HECTD4: variants seen among roughly 807,000 people sequenced by gnomAD.
HECTD4 encodes probable E3 ubiquitin-protein ligase HECTD4.
A neutral mutation model predicts 471.5 loss-of-function variants in HECTD4; 114 were observed. The ratio of observed to expected loss-of-function variants is 0.24; its 90% CI spans 0.21 to 0.28. HECTD4 has a LOEUF of 0.28. Among genes scored for constraint, HECTD4 ranks in the 10% least tolerant of loss-of-function variants. The pLI is 1.00. For missense variants in HECTD4, 3,866 were observed against 5,651.5 expected (o/e 0.68, Z 10.13); for synonymous variants, 2,012 against 2,256.0 (o/e 0.89, Z 3.07).
chr12:112,205,202 G>A (rs1262271295), intron 52 of HECTD4, among the ~76,000 whole-genome samples: 1 of 151,594 alleles, frequency 6.6e-6, no homozygotes, highest in African/African-American at 2.4e-5. Context: ...TTGGGAGGCC[G>A]AGGTGGGTGG....
intron 55 of HECTD4, 95 bp from the exon 56 acceptor site, chr12:112,195,161 C>T: frequency 3.7e-6 from 4 of 1,066,810 alleles, no homozygotes; most frequent in African/African-American, 1.6e-5. Context: ...AAGGATCCTG[C>T]CTCAGGCTTC....
intron 35 of HECTD4, among the ~76,000 whole-genome samples, chr12:112,236,627 T>C (rs1429192278): frequency 1.3e-5 from 2 of 152,214 alleles, no homozygotes; most frequent in Non-Finnish European, 2.9e-5. Flanking sequence ...TTAATCTTGC[T>C]ACAATGAGGG....
At chr12:112,255,482 T>C (rs1313066372) in intron 21 of HECTD4, among the ~76,000 whole-genome samples, 2 of 152,166 alleles carry the variant, frequency 1.3e-5, no homozygotes, top group Non-Finnish European at 2.9e-5. Context: ...TCATAGTATA[T>C]ACAGTTAAGA....
At chr12:112,347,571 T>C (rs1386062679) in intron 1 of HECTD4, among the ~76,000 whole-genome samples, 1 of 152,156 alleles carries the variant, frequency 6.6e-6, no homozygotes, top group Non-Finnish European at 1.5e-5. Context: ...ACCTAGCAAT[T>C]GAAATACAAA....
At chr12:112,219,163 C>T (rs1251999035) in intron 45 of HECTD4, among the ~76,000 whole-genome samples, 1 of 152,014 alleles carries the variant, frequency 6.6e-6, no homozygotes, top group African/African-American at 2.4e-5. Flanking sequence ...TATGAAGTTT[C>T]GCTCCCCTGC....
In HECTD4 at chr12:112,163,748, G is replaced by A. The variant is rs1363324686; in HGVS notation, c.12702-11C>T. The A allele has an allele frequency of 8.2e-6, 12 of 1,456,712 alleles. No homozygotes were observed. The highest frequency in any genetic ancestry group is 1.4e-5 in the African/African-American group (1 of 70,078). 90.2% of individuals were successfully genotyped at this position (1,456,712 alleles called of 1,614,324 possible). On this transcript the variant is annotated splice_polypyrimidine_tract_variant and intron_variant, in intron 73 of 75. Transcript: ENST00000682272. This position sits in a 1 kb window ranked among gnomAD's most constrained non-coding sequence, Gnocchi z 8.2. ...TCCTTGTTCTCCCACCTGCCCGGGT[G>A]AGGAGCACAGGTGAGGGAGAACACC...
At chr12:112,170,637 G>T (rs2031178819) in intron 68 of HECTD4, 185 bp from the exon 69 acceptor site, 2 of 625,258 alleles carry the variant, frequency 3.2e-6, no homozygotes, top group Non-Finnish European at 5.3e-6. Flanking sequence ...GTCATTCCCA[G>T]GAGACATCCA....
rs138913540 is a variant in HECTD4, at chr12:112,217,300, T to TAC, written c.7075-107_7075-106dup. 1.8e-3 allele frequency: 1,078 copies of TAC among 602,740 alleles called. 1 individual carries two copies. Among genetic ancestry groups the TAC allele is most frequent in the African/African-American group, 4.3e-3 (205 of 48,028 alleles). 37.3% of individuals were successfully genotyped at this position (602,740 alleles called of 1,614,324 possible). ...ATCTGATGGTATTAAAATATAGGCA[T>TAC]ACACACACACACACACATACACACA... On this transcript the variant is annotated intron_variant, in intron 45 of 75. Coordinates refer to ENST00000682272, the MANE Select transcript of HECTD4 (RefSeq NM_001388303.1).
At position 112,250,966 on chromosome 12, in the gene HECTD4, G is replaced by T; in HGVS notation, c.3716+5C>A. 1 of 1,603,468 alleles carries T rather than the reference G, an allele frequency of 6.2e-7. No individual in the cohort carries two copies. Among genetic ancestry groups the T allele is most frequent in the Admixed American group, 1.7e-5 (1 of 57,600 alleles). On this transcript the variant is annotated splice_donor_5th_base_variant and intron_variant, in intron 24 of 75. Coordinates refer to ENST00000682272, the MANE Select transcript of HECTD4 (RefSeq NM_001388303.1). The stretch of plus-strand genomic sequence containing the variant: ...ACACTAGCTCAATTTCAACCTTTTT[G>T]TTACCTTTGTAAAAGTTTGGACCGC...
intron 17 of HECTD4, among the ~76,000 whole-genome samples, chr12:112,262,608 G>C (rs1453083258): frequency 8.3e-6 from 1 of 120,706 alleles, no homozygotes; most frequent in East Asian, 5.5e-4. Flanking sequence ...GAATTTTCTG[G>C]GGTCTTTATT....
At chr12:112,282,157 G>T (rs888977085) in intron 8 of HECTD4, among the ~76,000 whole-genome samples, 1 of 152,162 alleles carries the variant, frequency 6.6e-6, no homozygotes, top group South Asian at 2.1e-4. Context: ...GCCAAGGTGG[G>T]CGGATCACGA....
In HECTD4 at chr12:112,203,722, C is replaced by T. The variant is rs1452685378; in HGVS notation, c.8320G>A (p.Ala2774Thr). Residue 2774 changes from alanine (A) to threonine (T), a missense_variant, in exon 54 of 76, where the codon GCT (alanine) becomes ACT (threonine). By Grantham distance (58) the Ala-to-Thr change is moderately conservative. Transcript: ENST00000682272. ...SPDSNNVASS[A>T]VGTALPKFAI... ...AATTTTGGCAGAGCAGTTCCAACAG[C>T]ACTGCTGGCTACATTATTGCTGTCT... is the stretch of plus-strand genomic sequence containing the variant. 1.2e-6 allele frequency: 2 copies of T among 1,611,774 alleles called. No homozygotes were observed. Among genetic ancestry groups the T allele is most frequent in the East Asian group, 4.5e-5 (2 of 44,866 alleles).
chr12:112,226,755 T>C lies in HECTD4; in HGVS notation c.6858A>G (p.Ala2286=), dbSNP rs779271416. The change falls in exon 44 of 76, where the codon GCA becomes GCG. Residue 2286 remains alanine (A), a synonymous_variant. Transcript: ENST00000682272. ...VRLLAEIRTR[A]CLVMAQLLED... The stretch of plus-strand genomic sequence containing the variant: ...CTAAAAGCTGGGCCATGACCAGGCA[T>C]GCTCTTAATGTTAAAAGATTTACAA... 1 of 1,599,394 alleles carries C rather than the reference T, an allele frequency of 6.3e-7. No homozygotes were observed. The highest frequency in any genetic ancestry group is 8.6e-7 in the Non-Finnish European group (1 of 1,168,202).
At chr12:112,170,754 T>G in intron 68 of HECTD4, 1 of 472,930 alleles carries the variant, frequency 2.1e-6, no homozygotes, top group Non-Finnish European at 3.8e-6. Flanking sequence ...TGCACACATG[T>G]GTCTGTTTAT....
Position 112,231,517 on chromosome 12 carries a change from C to T in HECTD4, c.6196G>A (p.Ala2066Thr), listed in dbSNP as rs1043770654. Reference sequence around the variant, plus strand: ...TCCTACCTGTGGAAGGTTTACCTTGCAAGCTCCGAGTTCCTCTCTCGGCAA... The same window carrying T: ...TCCTACCTGTGGAAGGTTTACCTTGTAAGCTCCGAGTTCCTCTCTCGGCAA... ...SICRERNSEL[A>T]RTDPVRPFIS... Residue 2066 changes from alanine to threonine, a missense_variant, in exon 39 of 76, where the codon GCA (alanine) becomes ACA (threonine). Around this residue, in one of 16 missense-constraint regions of HECTD4, gnomAD observed 617 missense variants for 915.1 expected, o/e 0.67. Coordinates refer to ENST00000682272, the MANE Select transcript of HECTD4 (RefSeq NM_001388303.1). 1 of 1,613,886 alleles carries T rather than the reference C, an allele frequency of 6.2e-7. No individual in the cohort carries two copies. The highest frequency in any genetic ancestry group is 1.3e-5 in the African/African-American group (1 of 74,938).
At chr12:112,344,746 C>T (rs140320895) in intron 1 of HECTD4, among the ~76,000 whole-genome samples, 1,567 of 151,756 alleles carry the variant, frequency 0.01, 30 homozygotes, top group African/African-American at 0.036. Flanking sequence ...TGGTGAAACC[C>T]CGTCTCTATT....
chr12:112,167,280 G>T, intron 72 of HECTD4, 37 bp downstream of exon 72: 2 of 1,548,936 alleles, frequency 1.3e-6, no homozygotes, highest in South Asian at 2.4e-5. Flanking sequence ...GGAGGCCCCG[G>T]GTTCTGCAGC....
intron 48 of HECTD4, 63 bp from the exon 49 acceptor site, chr12:112,212,713 G>C: frequency 2.8e-6 from 4 of 1,428,590 alleles, no homozygotes; most frequent in Non-Finnish European, 3.8e-6. Context: ...TTTTAAATTT[G>C]CAACCGGAGT....
chr12:112,236,428 A>T (rs1018506604), intron 35 of HECTD4, among the ~76,000 whole-genome samples: 4 of 152,256 alleles, frequency 2.6e-5, no homozygotes, highest in African/African-American at 9.6e-5. Flanking sequence ...ATAGGCTTCA[A>T]TGTTCTAGGA....
Sources: allele counts gnomAD v4.1 joint callset (sites outside exome capture counted in the v4.1 genomes callset), GRCh38; gene constraint gnomAD v4.1.1; regional missense constraint gnomAD v4.1.1; non-coding constraint Gnocchi (gnomAD v3.1); transcripts MANE v1.5; gene names NCBI Gene and HGNC (gene_info 2026-07-23, HGNC 2026-07-21).